The following OSBPL8 variants were observed in gnomAD, a reference collection of about 807,000 sequenced individuals.
OSBPL8 encodes the protein oxysterol binding protein like 8, also known as oxysterol-binding protein-related protein 8.
OSBPL8 carries 59 observed loss-of-function variants against 125.5 expected under a neutral mutation model. The observed-to-expected ratio is 0.47, with a 90% CI of 0.38 to 0.58. OSBPL8 has a LOEUF of 0.58. OSBPL8 is among the 20% of genes least tolerant of loss of function. The pLI is 0.00. For synonymous variants in OSBPL8, 330 were observed against 338.9 expected (o/e 0.97, Z 0.29); for missense variants, 758 against 1,047.8 (o/e 0.72, Z 3.82).
chr12:76,540,367 A>G (rs1452694526), intron 1 of OSBPL8, among the ~76,000 whole-genome samples: 1 of 152,182 alleles, frequency 6.6e-6, no homozygotes, highest in Non-Finnish European at 1.5e-5. Context: ...AATACACGCA[A>G]TCAATGGGAG....
chr12:76,535,643 A>T (rs1950472930), intron 1 of OSBPL8, among the ~76,000 whole-genome samples: 1 of 152,228 alleles, frequency 6.6e-6, no homozygotes, highest in Non-Finnish European at 1.5e-5. Flanking sequence ...TCAAATGTCT[A>T]TCAAAAGGTG....
chr12:76,414,902 T>G (rs1868439671), intron 4 of OSBPL8, among the ~76,000 whole-genome samples: 1 of 152,222 alleles, frequency 6.6e-6, no homozygotes, highest in African/African-American at 2.4e-5. Context: ...GTTAGTGTAG[T>G]GAACCACATT....
Position 76,351,832 on chromosome 12 carries a change from T to C in OSBPL8, c.*4057A>G, listed in dbSNP as rs1951834675. ...TTAAAAATTTTATTTAGAAGCCTAC[T>C]TGTAGAAGTTAGCATAATTTTACAG... On this transcript the variant is annotated 3_prime_UTR_variant, in exon 24 of 24. Transcript: ENST00000261183. 1 of 152,238 alleles carries C rather than the reference T, an allele frequency of 6.6e-6. No homozygotes were observed. Among genetic ancestry groups the C allele is most frequent in the African/African-American group, 2.4e-5 (1 of 41,466 alleles). The allele number at this position is 152,238 out of a possible 1,614,324, so 9.4% of individuals were successfully genotyped here. A position where few individuals can be genotyped will look rare whatever the true frequency, so the allele number is the denominator to read the frequency against.
chr12:76,512,083 C>T (rs2137193434), intron 1 of OSBPL8, among the ~76,000 whole-genome samples: 1 of 152,296 alleles, frequency 6.6e-6, no homozygotes, highest in African/African-American at 2.4e-5. Flanking sequence ...GTATTAAGCT[C>T]AGTACCCAAT....
rs189305760 is a variant in OSBPL8, at chr12:76,461,916, T to A, written c.43-2021A>T. Among the ~76,000 whole-genome samples the A allele has an allele frequency of 1.4e-3, 211 of 152,326 alleles. 1 individual carries two copies. Among genetic ancestry groups the A allele is most frequent in the African/African-American group, 4.9e-3 (205 of 41,572 alleles). Reference sequence around the variant, plus strand: ...CTTAATTTTTAGATAGTTTGTTGTGTACCAATAAATAACATAACACTGGAA... The same window carrying A: ...CTTAATTTTTAGATAGTTTGTTGTGAACCAATAAATAACATAACACTGGAA... On this transcript the variant is annotated intron_variant, in intron 2 of 23. Coordinates refer to ENST00000261183, the MANE Select transcript of OSBPL8 (RefSeq NM_020841.5).
intron 1 of OSBPL8, among the ~76,000 whole-genome samples, chr12:76,550,665 G>A (rs1950910309): frequency 6.6e-6 from 1 of 152,202 alleles, no homozygotes; most frequent in Admixed American, 6.5e-5. Context: ...AAACTGTCCT[G>A]GGCCGTGCGC....
intron 1 of OSBPL8, among the ~76,000 whole-genome samples, chr12:76,499,789 G>T (rs1879709115): frequency 6.6e-6 from 1 of 152,014 alleles, no homozygotes; most frequent in Non-Finnish European, 1.5e-5. Flanking sequence ...GGGAGCGGAG[G>T]TTGCAGCAGG....
intron 18 of OSBPL8, among the ~76,000 whole-genome samples, chr12:76,373,035 T>C (rs1429779157): frequency 6.6e-6 from 1 of 152,188 alleles, no homozygotes; most frequent in African/African-American, 2.4e-5. Flanking sequence ...ATGGCACCTA[T>C]ATACTCACCT....
chr12:76,549,921 CA>C (rs746849865), intron 1 of OSBPL8, among the ~76,000 whole-genome samples: 74 of 146,352 alleles, frequency 5.1e-4, no homozygotes, highest in Non-Finnish European at 7.6e-4. Flanking sequence ...CAAGCAGATG[CA>C]AAAAAAAAAA....
intron 1 of OSBPL8, among the ~76,000 whole-genome samples, chr12:76,488,456 G>A (rs1219941924): frequency 1.3e-5 from 2 of 152,160 alleles, no homozygotes; most frequent in East Asian, 3.9e-4. Context: ...CAAAATGAAG[G>A]TTGGTGACAG....
intron 1 of OSBPL8, among the ~76,000 whole-genome samples, chr12:76,487,959 T>C (rs1473857954): frequency 6.6e-6 from 1 of 152,196 alleles, no homozygotes; most frequent in Non-Finnish European, 1.5e-5. Context: ...AAATCCATCA[T>C]GGGAGAGAAT....
At chr12:76,470,484 C>T (rs540279226) in intron 2 of OSBPL8, among the ~76,000 whole-genome samples, 5 of 152,118 alleles carry the variant, frequency 3.3e-5, no homozygotes, top group African/African-American at 7.2e-5. Flanking sequence ...ACCTGTTTCA[C>T]GCATTTCAAT....
At chr12:76,481,641 T>A (rs1386464342) in intron 2 of OSBPL8, among the ~76,000 whole-genome samples, 1 of 151,874 alleles carries the variant, frequency 6.6e-6, no homozygotes. Flanking sequence ...GCCAAAAATT[T>A]AAAAATAAAA....
chr12:76,468,657 C>T (rs988633214), intron 2 of OSBPL8, among the ~76,000 whole-genome samples: 1 of 152,190 alleles, frequency 6.6e-6, no homozygotes, highest in African/African-American at 2.4e-5. Context: ...CTAAAGTTAT[C>T]GTTCTCCAAC....
At chr12:76,494,544 G>A (rs993318928) in intron 1 of OSBPL8, among the ~76,000 whole-genome samples, 1 of 152,154 alleles carries the variant, frequency 6.6e-6, no homozygotes, top group African/African-American at 2.4e-5. Flanking sequence ...AAAATACTGA[G>A]AAGAAGCAGA....
At chr12:76,428,687 C>T (rs1870448754) in intron 4 of OSBPL8, among the ~76,000 whole-genome samples, 1 of 151,946 alleles carries the variant, frequency 6.6e-6, no homozygotes, top group South Asian at 2.1e-4. Context: ...AGTACTACGT[C>T]CAGACACATA....
intron 17 of OSBPL8, 24 bp from the exon 18 acceptor site, chr12:76,373,457 C>T (rs931503986): frequency 1.3e-6 from 2 of 1,503,084 alleles, no homozygotes; most frequent in Admixed American, 1.9e-5. Context: ...AAATGTTAAA[C>T]ATTTTACTTT....
At chr12:76,373,525 G>C (rs1389742752) in intron 17 of OSBPL8, 92 bp from the exon 18 acceptor site, 1 of 871,278 alleles carries the variant, frequency 1.1e-6, no homozygotes, top group Non-Finnish European at 1.8e-6. Flanking sequence ...AAAATTGCTT[G>C]TATAGTTACA....
chr12:76,412,057 G>C (rs529731819), intron 4 of OSBPL8, among the ~76,000 whole-genome samples: 2 of 152,160 alleles, frequency 1.3e-5, no homozygotes, highest in African/African-American at 2.4e-5. Flanking sequence ...CATCAAAAGA[G>C]AGGCACAAGA....
Sources: allele counts gnomAD v4.1 joint callset (sites outside exome capture counted in the v4.1 genomes callset), GRCh38; gene constraint gnomAD v4.1.1; transcripts MANE v1.5; gene names NCBI Gene and HGNC (gene_info 2026-07-23, HGNC 2026-07-21).